Variants in CADPS2 observed in about 807,000 individuals in gnomAD.
CADPS2 encodes calcium-dependent secretion activator 2.
CADPS2 carries 93 observed loss-of-function variants against 172.5 expected under a neutral mutation model. The observed-to-expected ratio is 0.54, with a 90% CI of 0.46 to 0.64. The LOEUF (loss-of-function observed/expected upper bound fraction) is 0.64, where lower values mean the gene tolerates loss of function less well. CADPS2 is among the 30% of genes least tolerant of loss of function. The pLI is 0.00. For synonymous variants in CADPS2, 546 were observed against 555.2 expected, an observed-to-expected ratio of 0.98 and a Z score of 0.23; for missense variants, 1,420 against 1,565.9, an observed-to-expected ratio of 0.91 and a Z score of 1.57.
At position 122,597,958 on chromosome 7, in the gene CADPS2, T is replaced by C. The variant is rs145040739; in HGVS notation, c.1224-16668A>G. ...GAATAACACAAACATGGGACATTAT[T>C]CTAATAAAATATTATCTGGGTCCTT... is the stretch of plus-strand genomic sequence containing the variant. On this transcript the variant is annotated intron_variant, in intron 6 of 29. Coordinates refer to ENST00000449022, the MANE Select transcript of CADPS2 (RefSeq NM_017954.11). 3.4e-3 allele frequency among the ~76,000 whole-genome samples: 522 copies of C among 152,180 alleles called. 1 individual carries two copies. Among genetic ancestry groups the C allele is most frequent in the African/African-American group, 0.012 (509 of 41,526 alleles).
At chr7:122,702,987 T>C in intron 2 of CADPS2, 1 of 451,242 alleles carries the variant, frequency 2.2e-6, no homozygotes, top group Non-Finnish European at 3.9e-6. Flanking sequence ...TCAAGAAAAT[T>C]ATGACATCCA....
intron 25 of CADPS2, among the ~76,000 whole-genome samples, chr7:122,373,801 A>G: frequency 6.6e-6 from 1 of 152,184 alleles, no homozygotes; most frequent in East Asian, 1.9e-4. Context: ...CATTTAAAGA[A>G]GTGAATTCCA....
intron 1 of CADPS2, among the ~76,000 whole-genome samples, chr7:122,855,286 G>C (rs1269100810): frequency 6.6e-6 from 1 of 152,204 alleles, no homozygotes; most frequent in Non-Finnish European, 1.5e-5. Context: ...AGCAGCCACT[G>C]AAAGTGAGAG....
intron 1 of CADPS2, among the ~76,000 whole-genome samples, chr7:122,854,008 A>G (rs1475121032): frequency 6.6e-6 from 1 of 152,122 alleles, no homozygotes. Flanking sequence ...CAATTCGTTA[A>G]CACCAACAGA....
intron 2 of CADPS2, among the ~76,000 whole-genome samples, chr7:122,731,946 T>A (rs1448400935): frequency 1.3e-5 from 2 of 151,820 alleles, no homozygotes; most frequent in Admixed American, 6.6e-5. Context: ...ACTTCTTTAT[T>A]ATTCTTGTTA....
intron 7 of CADPS2, among the ~76,000 whole-genome samples, chr7:122,574,764 A>T (rs1236381370): frequency 2.0e-5 from 3 of 152,204 alleles, no homozygotes; most frequent in African/African-American, 7.2e-5. Flanking sequence ...ATGAAAAAAT[A>T]ACAGACACAG....
chr7:122,695,313 C>T lies in CADPS2; in HGVS notation c.454-31744G>A, dbSNP rs959150001. On this transcript the variant is annotated intron_variant, in intron 2 of 29. Transcript: ENST00000449022. The stretch of plus-strand genomic sequence containing the variant: ...TTAATTCTTACAAGGAACATAAACT[C>T]CCTTCTGTAATTCACATTATTAGTC... 2.7e-4 allele frequency among the ~76,000 whole-genome samples: 41 copies of T among 152,152 alleles called. 1 individual carries two copies. Among genetic ancestry groups the T allele is most frequent in the Non-Finnish European group, 1.5e-5 (1 of 68,010 alleles).
intron 3 of CADPS2, among the ~76,000 whole-genome samples, chr7:122,644,543 G>A (rs1482949821): frequency 6.6e-6 from 1 of 152,082 alleles, no homozygotes; most frequent in Non-Finnish European, 1.5e-5. Context: ...TTCTAATGGT[G>A]AACGACTTGC....
At chr7:122,488,054 A>G (rs1444317351) in intron 11 of CADPS2, among the ~76,000 whole-genome samples, 2 of 152,224 alleles carry the variant, frequency 1.3e-5, no homozygotes, top group African/African-American at 4.8e-5. Context: ...ATGCTGTAGA[A>G]CTGTAGCTTA....
At chr7:122,432,717 C>T (rs57454175) in intron 17 of CADPS2, among the ~76,000 whole-genome samples, 8,854 of 148,206 alleles carry the variant, frequency 0.06, 650 homozygotes, top group African/African-American at 0.17. Context: ...ATGACAAAAT[C>T]ATGATGAATT....
intron 8 of CADPS2, among the ~76,000 whole-genome samples, chr7:122,526,385 G>T (rs1051535818): frequency 6.6e-6 from 1 of 151,978 alleles, no homozygotes; most frequent in Non-Finnish European, 1.5e-5. Flanking sequence ...TAGAGATGGG[G>T]TTTCACCATG....
chr7:122,738,418 G>C (rs1258983234), intron 1 of CADPS2, among the ~76,000 whole-genome samples: 1 of 148,152 alleles, frequency 6.7e-6, no homozygotes. Flanking sequence ...TTTTTTTTAT[G>C]CTTAACTGGA....
At chr7:122,672,212 C>T (rs547690585) in intron 2 of CADPS2, among the ~76,000 whole-genome samples, 2 of 152,100 alleles carry the variant, frequency 1.3e-5, no homozygotes, top group East Asian at 1.9e-4. Flanking sequence ...TATAAAATAC[C>T]TGAATCCTAC....
At chr7:122,635,640 T>C (rs1588012667) in intron 3 of CADPS2, among the ~76,000 whole-genome samples, 2 of 152,314 alleles carry the variant, frequency 1.3e-5, no homozygotes, top group African/African-American at 2.4e-5. Context: ...TAGTATTCCA[T>C]GGTGTATATG....
intron 27 of CADPS2, among the ~76,000 whole-genome samples, chr7:122,357,177 C>T (rs2039516575): frequency 6.6e-6 from 1 of 152,170 alleles, no homozygotes; most frequent in Non-Finnish European, 1.5e-5. Context: ...CCTTTGCTTG[C>T]CTCTAACCTG....
intron 2 of CADPS2, among the ~76,000 whole-genome samples, chr7:122,675,673 T>G (rs1233753368): frequency 6.6e-6 from 1 of 152,072 alleles, no homozygotes; most frequent in Admixed American, 6.5e-5. Flanking sequence ...TCTGCAGGAA[T>G]GTGGACGAAG....
At chr7:122,809,964 G>T (rs1799672403) in intron 1 of CADPS2, among the ~76,000 whole-genome samples, 1 of 152,122 alleles carries the variant, frequency 6.6e-6, no homozygotes, top group South Asian at 2.1e-4. Flanking sequence ...ATACACATAT[G>T]CACACATGTT....
chr7:122,743,454 G>A (rs547002757), intron 1 of CADPS2, among the ~76,000 whole-genome samples: 3 of 152,234 alleles, frequency 2.0e-5, no homozygotes, highest in African/African-American at 4.8e-5. Context: ...GCTGCATGGA[G>A]CCTGCCCTGA....
intron 3 of CADPS2, 72 bp from the exon 4 acceptor site, chr7:122,629,400 G>GTCCCACAGACTGAGGCAT (rs2134170469): frequency 9.2e-7 from 1 of 1,082,242 alleles, no homozygotes; most frequent in South Asian, 1.7e-5. Flanking sequence ...GACTGAGGCA[G>GTCCCACAGACTGAGGCAT]TCCCACAGAC....
Sources: gnomAD v4.1 joint callset for allele counts (sites outside exome capture counted in the v4.1 genomes callset) on GRCh38, gnomAD v4.1.1 for gene constraint, MANE v1.5 for transcripts, NCBI Gene and HGNC (gene_info 2026-07-23, HGNC 2026-07-21) for gene names.